The following SCAF11 variants were observed in gnomAD, a reference collection of about 807,000 sequenced individuals.
SCAF11 encodes the protein protein SCAF11.
In SCAF11, 47 loss-of-function variants were observed where a neutral mutation model predicts 140.5. That is an observed-to-expected ratio of 0.33 (90% CI 0.26 to 0.43). The LOEUF (loss-of-function observed/expected upper bound fraction) is 0.43. SCAF11 is among the 20% of genes least tolerant of loss of function. The pLI, the probability that SCAF11 is intolerant of heterozygous loss-of-function variation, is 1.00. For synonymous variants in SCAF11, 557 were observed against 579.4 expected (o/e 0.96, Z 0.55); for missense variants, 1,645 against 1,705.1 (o/e 0.96, Z 0.62).
At chr12:45,947,125 A>G (rs746843817) in intron 5 of SCAF11, among the ~76,000 whole-genome samples, 9 of 152,186 alleles carry the variant, frequency 5.9e-5, no homozygotes, top group African/African-American at 1.7e-4. Context: ...ATTCTGATGA[A>G]AAGTACTAAT....
chr12:45,966,760 C>T (rs1945960005), intron 1 of SCAF11, among the ~76,000 whole-genome samples: 1 of 152,076 alleles, frequency 6.6e-6, no homozygotes, highest in Admixed American at 6.5e-5. Context: ...AGATGAATGA[C>T]TGGAATACAG....
intron 3 of SCAF11, among the ~76,000 whole-genome samples, chr12:45,958,201 G>A (rs1318926576): frequency 1.3e-5 from 2 of 152,034 alleles, no homozygotes; most frequent in African/African-American, 2.4e-5. Context: ...CATCATGCCT[G>A]GCCAATAAAT....
rs545520972 is a variant in SCAF11 at position 45,964,007 on chromosome 12, A to G, written c.61+100T>C. ...TATTTTGGAATTTAAGAACAACAAT[A>G]ACAAAAAACTCCTGTGTATTCTGAA... On this transcript the variant is annotated intron_variant, in intron 2 of 14. Transcript: ENST00000369367. 5 of 649,206 alleles carry G rather than the reference A, an allele frequency of 7.7e-6. No individual in the cohort carries two copies. In the South Asian group the frequency reaches 9.3e-5, roughly 12 times the overall value. 40.2% of individuals were successfully genotyped at this position (649,206 alleles called of 1,614,324 possible).
intron 9 of SCAF11, among the ~76,000 whole-genome samples, chr12:45,932,088 G>T (rs1393505966): frequency 1.3e-5 from 2 of 151,924 alleles, no homozygotes; most frequent in African/African-American, 4.8e-5. Flanking sequence ...AATCAAGAAA[G>T]AGAACATTTC....
chr12:45,942,328 T>C (rs1050441394), intron 6 of SCAF11, among the ~76,000 whole-genome samples: 8 of 152,204 alleles, frequency 5.3e-5, no homozygotes, highest in African/African-American at 1.9e-4. Context: ...CCACTACAAT[T>C]TGTGGCCTAG....
chr12:45,921,942 C>G lies in SCAF11; in HGVS notation c.*106G>C. On this transcript the variant is annotated 3_prime_UTR_variant, in exon 15 of 15. Transcript: ENST00000369367. The stretch of plus-strand genomic sequence containing the variant: ...TCCTATGTTAAAAAAATAATTTTAT[C>G]AAAACCAAATTTCAATCACAGTTAT... 7.3e-7 allele frequency: 1 copy of G among 1,370,398 alleles called. No homozygotes were observed. The highest frequency in any genetic ancestry group is 9.9e-7 in the Non-Finnish European group (1 of 1,012,756). 84.9% of individuals were successfully genotyped at this position (1,370,398 alleles called of 1,614,324 possible).
At chr12:45,969,695 A>G (rs1426287131) in intron 1 of SCAF11, among the ~76,000 whole-genome samples, 1 of 152,246 alleles carries the variant, frequency 6.6e-6, no homozygotes, top group Non-Finnish European at 1.5e-5. Flanking sequence ...CAACATTACT[A>G]AATAACAACT....
chr12:45,944,964 A>G, intron 6 of SCAF11: 1 of 364,258 alleles, frequency 2.7e-6, no homozygotes, highest in South Asian at 4.2e-5. Flanking sequence ...TGGGTGGAAT[A>G]AGGCCACAGT....
intron 1 of SCAF11, among the ~76,000 whole-genome samples, chr12:45,972,728 G>A (rs539680110): frequency 6.7e-6 from 1 of 148,602 alleles, no homozygotes; most frequent in African/African-American, 2.5e-5. Context: ...CATAGAGAGA[G>A]GTGGGAAAAA....
At chr12:45,923,243 C>A in intron 12 of SCAF11, 89 bp from the exon 13 acceptor site, 1 of 1,100,638 alleles carries the variant, frequency 9.1e-7, no homozygotes, top group Non-Finnish European at 1.3e-6. Context: ...TTAAAAAACA[C>A]AAAGCAAACC....
At position 45,989,043 on chromosome 12, in the gene SCAF11, C is replaced by T. The variant is rs557950332; in HGVS notation, c.-22+1310G>A. On this transcript the variant is annotated intron_variant, in intron 1 of 14. Transcript: ENST00000369367. ...ATGAACTTTTTCTTGCATCTTTTAACCAAAATAGTGACATGATCAAGCCAA... is the reference window on the plus strand; with the variant it reads ...ATGAACTTTTTCTTGCATCTTTTAATCAAAATAGTGACATGATCAAGCCAA... Among the ~76,000 whole-genome samples, 7 of 152,162 alleles carry T rather than the reference C, an allele frequency of 4.6e-5. No individual in the cohort carries two copies. The South Asian group carries it at 1.5e-3, about 32-fold the overall frequency.
At chr12:45,923,936 C>T (rs1263117238) in intron 12 of SCAF11, among the ~76,000 whole-genome samples, 3 of 152,058 alleles carry the variant, frequency 2.0e-5, no homozygotes. Context: ...CTGCAACCTC[C>T]GCCTCCTGGG....
intron 1 of SCAF11, among the ~76,000 whole-genome samples, chr12:45,977,752 C>A (rs776625512): frequency 6.6e-6 from 1 of 152,132 alleles, no homozygotes; most frequent in Non-Finnish European, 1.5e-5. Context: ...TATACTGCCA[C>A]AAGATGAGCT....
chr12:45,987,932 C>T (rs1395256102), intron 1 of SCAF11, among the ~76,000 whole-genome samples: 2 of 152,054 alleles, frequency 1.3e-5, no homozygotes, highest in South Asian at 2.1e-4. Context: ...TTTTATGTGT[C>T]TATGTACTAG....
At chr12:45,991,695 T>C (rs1056730783), upstream of SCAF11, among the ~76,000 whole-genome samples, 5 of 152,268 alleles carry the variant, frequency 3.3e-5, no homozygotes, top group Non-Finnish European at 7.3e-5. Context: ...GGAGGTATTT[T>C]GACTTTTTCA....
intron 5 of SCAF11, 25 bp downstream of exon 5, chr12:45,948,412 T>C: frequency 6.8e-7 from 1 of 1,475,032 alleles, no homozygotes; most frequent in Non-Finnish European, 9.4e-7. Context: ...TCATTTGCAT[T>C]CCACTTCTAA....
chr12:45,990,628 T>G (rs1946580119), upstream of SCAF11: 1 of 1,180,088 alleles, frequency 8.5e-7, no homozygotes. Context: ...CCTGCGCGTC[T>G]CCCTCCTCCT....
intron 3 of SCAF11, among the ~76,000 whole-genome samples, chr12:45,960,261 T>C (rs1035663813): frequency 1.3e-5 from 2 of 152,120 alleles, no homozygotes; most frequent in East Asian, 1.9e-4. Flanking sequence ...ACTTATTACA[T>C]ACACATTATA....
At chr12:45,991,653 C>T (rs1311308093), upstream of SCAF11, among the ~76,000 whole-genome samples, 1 of 152,192 alleles carries the variant, frequency 6.6e-6, no homozygotes, top group Non-Finnish European at 1.5e-5. Context: ...ACTTTTTCCC[C>T]CGGCGGGTTG....
Sources: allele counts gnomAD v4.1 joint callset (sites outside exome capture counted in the v4.1 genomes callset), GRCh38; gene constraint gnomAD v4.1.1; transcripts MANE v1.5; gene names NCBI Gene and HGNC (gene_info 2026-07-23, HGNC 2026-07-21).